The following PODXL2 variants were observed in gnomAD, a reference collection of about 807,000 sequenced individuals.
The protein encoded by PODXL2 is podocalyxin-like protein 2.
Under a neutral mutation model 53.4 loss-of-function variants are expected in PODXL2, and 17 were observed. The observed-to-expected ratio is 0.32, with a 90% CI of 0.22 to 0.48. PODXL2 has a LOEUF of 0.48. Among genes scored for constraint, PODXL2 ranks in the 20% least tolerant of loss-of-function variants. PODXL2 has a pLI of 0.99. For missense variants in PODXL2, 673 were observed against 760.0 expected, an observed-to-expected ratio of 0.89 and a Z score of 1.35; for synonymous variants, 311 against 306.7, an observed-to-expected ratio of 1.01 and a Z score of -0.15.
intron 2 of PODXL2, among the ~76,000 whole-genome samples, chr3:127,658,406 C>CA (rs1220507090): frequency 1.1e-5 from 1 of 87,396 alleles, no homozygotes; most frequent in Non-Finnish European, 2.4e-5. Flanking sequence ...TTTCCCATGT[C>CA]TTTTTTTTTT....
chr3:127,644,064 C>CA (rs776933010), intron 2 of PODXL2, among the ~76,000 whole-genome samples: 9 of 152,172 alleles, frequency 5.9e-5, no homozygotes, highest in Non-Finnish European at 8.8e-5. Flanking sequence ...GTCATGGCGG[C>CA]ATCCATTGAT....
intron 2 of PODXL2, among the ~76,000 whole-genome samples, chr3:127,647,778 C>T (rs2074665528): frequency 6.6e-6 from 1 of 152,196 alleles, no homozygotes; most frequent in South Asian, 2.1e-4. Context: ...GGGAGCTCTG[C>T]CTTCCCAGCA....
At chr3:127,653,298 C>T (rs1452951696) in intron 2 of PODXL2, among the ~76,000 whole-genome samples, 1 of 152,178 alleles carries the variant, frequency 6.6e-6, no homozygotes, top group African/African-American at 2.4e-5. Context: ...TGTCCCTTGC[C>T]ATGTTTCTAT....
Position 127,629,910 on chromosome 3 carries a change from C to T in PODXL2, c.70+621C>T, listed in dbSNP as rs2074531842. On this transcript the variant is annotated intron_variant, in intron 1 of 7. Transcript: ENST00000342480. The surrounding 1 kb of genome is among the most constrained non-coding windows in gnomAD (Gnocchi z 6.4). ...GCCACGGAAGGCCCGTGACAGCACACGGCGGGAGGCTCCCACGCAGCTCAC... is the reference window on the plus strand; with the variant it reads ...GCCACGGAAGGCCCGTGACAGCACATGGCGGGAGGCTCCCACGCAGCTCAC... Among the ~76,000 whole-genome samples, 1 of 152,124 alleles carries T rather than the reference C, an allele frequency of 6.6e-6. No individual in the cohort carries two copies. Among genetic ancestry groups the T allele is most frequent in the Non-Finnish European group, 1.5e-5 (1 of 68,018 alleles).
intron 2 of PODXL2, among the ~76,000 whole-genome samples, chr3:127,659,841 C>T (rs2074752099): frequency 6.6e-6 from 1 of 152,098 alleles, no homozygotes; most frequent in Non-Finnish European, 1.5e-5. Flanking sequence ...CATTTCCTGT[C>T]AGGGCCTAAA....
intron 3 of PODXL2, among the ~76,000 whole-genome samples, 177 bp from the exon 4 acceptor site, chr3:127,662,060 G>A (rs949974164): frequency 1.3e-5 from 2 of 152,108 alleles, no homozygotes; most frequent in Admixed American, 6.5e-5. Flanking sequence ...AAAGACATTC[G>A]AGTTTGTACT....
Position 127,660,592 on chromosome 3 carries a change from G to A in PODXL2, c.564G>A (p.Glu188=). 1.2e-6 allele frequency: 2 copies of A among 1,614,148 alleles called. No homozygotes were observed. The highest frequency in any genetic ancestry group is 2.2e-5 in the South Asian group (2 of 91,082). The change falls in exon 3 of 8, where the codon GAG becomes GAA. Residue 188 remains glutamate (E), a synonymous_variant. Coordinates refer to ENST00000342480, the MANE Select transcript of PODXL2 (RefSeq NM_015720.4). ...VEKQEEEEEE[E]LLPVNGSQEE... is the part of the protein sequence containing the mutation. ...AACAAGAGGAGGAGGAAGAGGAGGA[G>A]CTGCTCCCTGTGAATGGATCCCAAG...
At chr3:127,651,325 A>G (rs2074687791) in intron 2 of PODXL2, among the ~76,000 whole-genome samples, 1 of 152,238 alleles carries the variant, frequency 6.6e-6, no homozygotes, top group Non-Finnish European at 1.5e-5. Context: ...GGATGAAAAC[A>G]GAAAGGTTGA....
chr3:127,642,592 C>T (rs984367711), intron 2 of PODXL2, among the ~76,000 whole-genome samples: 4 of 151,966 alleles, frequency 2.6e-5, no homozygotes, highest in Non-Finnish European at 5.9e-5. Flanking sequence ...AGAGAATGAA[C>T]GCCGCACCCC....
At chr3:127,643,894 C>G (rs563079564) in intron 2 of PODXL2, among the ~76,000 whole-genome samples, 2 of 152,164 alleles carry the variant, frequency 1.3e-5, no homozygotes, top group Non-Finnish European at 2.9e-5. Flanking sequence ...CTGCCTCAGC[C>G]TCCCAAAGTG....
chr3:127,651,338 A>C (rs1321580780), intron 2 of PODXL2, among the ~76,000 whole-genome samples: 2 of 152,220 alleles, frequency 1.3e-5, no homozygotes, highest in Non-Finnish European at 2.9e-5. Flanking sequence ...AAGGTTGAGA[A>C]TAAAGAATAA....
Position 127,639,096 on chromosome 3 carries a change from A to G in PODXL2, c.71-149A>G, listed in dbSNP as rs1335994210. On this transcript the variant is annotated intron_variant, in intron 1 of 7. Coordinates refer to ENST00000342480, the MANE Select transcript of PODXL2 (RefSeq NM_015720.4). ...TTTTGAAATGAAAATAGTGTCTCAGAATCCCCGCAAAGCCTCTGGGTTTTC... is the reference window on the plus strand; with the variant it reads ...TTTTGAAATGAAAATAGTGTCTCAGGATCCCCGCAAAGCCTCTGGGTTTTC... 5.4e-6 allele frequency: 4 copies of G among 747,590 alleles called. No individual in the cohort carries two copies. The African/African-American group carries it at 7.2e-5, about 13-fold the overall frequency. The allele number at this position is 747,590 out of a possible 1,614,324, so 46.3% of individuals were successfully genotyped here. A position where few individuals can be genotyped will look rare whatever the true frequency, so the allele number is the denominator to read the frequency against.
intron 2 of PODXL2, among the ~76,000 whole-genome samples, chr3:127,647,767 A>G (rs2074665480): frequency 6.6e-6 from 1 of 152,200 alleles, no homozygotes; most frequent in African/African-American, 2.4e-5. Context: ...CCCCGCAGAA[A>G]GGGAGCTCTG....
intron 2 of PODXL2, among the ~76,000 whole-genome samples, 193 bp downstream of exon 2, chr3:127,639,716 C>G (rs1359473184): frequency 2.0e-5 from 3 of 152,232 alleles, no homozygotes; most frequent in East Asian, 3.8e-4. Context: ...GAGGCCCTTT[C>G]TCTTTAATAC....
At chr3:127,643,904 G>A (rs1201891811) in intron 2 of PODXL2, among the ~76,000 whole-genome samples, 1 of 152,062 alleles carries the variant, frequency 6.6e-6, no homozygotes, top group East Asian at 1.9e-4. Context: ...CTCCCAAAGT[G>A]CTGGGATTAC....
At position 127,668,549 on chromosome 3, in the gene PODXL2, C is replaced by T; in HGVS notation, c.1315C>T (p.Pro439Ser). Residue 439 changes from proline to serine, a missense_variant, in exon 5 of 8, where the codon CCC becomes TCC. By Grantham distance (74) the Pro-to-Ser change is moderately conservative (BLOSUM62 -1). Around this residue, in one of 3 missense-constraint regions of PODXL2, gnomAD observed 588 missense variants for 668.3 expected, o/e 0.88. Coordinates refer to ENST00000342480, the MANE Select transcript of PODXL2 (RefSeq NM_015720.4). ...HGAWHISLSK[P>S]SEKEQHLLMT... Reference sequence around the variant, plus strand: ...GGCCTGGCACATCTCTCTGAGCAAGCCCAGCGAGAAGGAGCAGCACCTTCT... The same window carrying T: ...GGCCTGGCACATCTCTCTGAGCAAGTCCAGCGAGAAGGAGCAGCACCTTCT... 1 of 1,577,162 alleles carries T rather than the reference C, an allele frequency of 6.3e-7. No homozygotes were observed. The highest frequency in any genetic ancestry group is 2.3e-5 in the East Asian group (1 of 42,916).
chr3:127,648,791 T>TC (rs1306176218), intron 2 of PODXL2, among the ~76,000 whole-genome samples: 1 of 142,750 alleles, frequency 7.0e-6, no homozygotes, highest in East Asian at 2.0e-4. Flanking sequence ...GTATTTCTTT[T>TC]TTTTTTTTTT....
At chr3:127,636,658 G>T (rs2074579944) in intron 1 of PODXL2, among the ~76,000 whole-genome samples, 1 of 152,222 alleles carries the variant, frequency 6.6e-6, no homozygotes. Context: ...CGTGGACATG[G>T]TGCCTAGGAC....
At chr3:127,650,792 G>A (rs756319489) in intron 2 of PODXL2, among the ~76,000 whole-genome samples, 2 of 152,064 alleles carry the variant, frequency 1.3e-5, no homozygotes, top group Non-Finnish European at 2.9e-5. Flanking sequence ...GAGTAGCTGG[G>A]ACTACAGGCA....
Sources: gnomAD v4.1 joint callset for allele counts (sites outside exome capture counted in the v4.1 genomes callset) on GRCh38, gnomAD v4.1.1 for gene constraint, gnomAD v4.1.1 regional missense constraint, Gnocchi (gnomAD v3.1) non-coding constraint, MANE v1.5 for transcripts, NCBI Gene and HGNC (gene_info 2026-07-23, HGNC 2026-07-21) for gene names.